ANKS6: variants seen among roughly 807,000 people sequenced by gnomAD.
ANKS6 encodes the protein ankyrin repeat and sterile alpha motif domain containing 6.
ANKS6 carries 47 observed loss-of-function variants against 77.9 expected under a neutral mutation model. The ratio of observed to expected loss-of-function variants is 0.60; its 90% CI spans 0.48 to 0.77. ANKS6 has a LOEUF of 0.77. ANKS6 is among the 30% of genes least tolerant of loss of function. The pLI is 0.00. For missense variants in ANKS6, 1,150 were observed against 1,159.1 expected, an observed-to-expected ratio of 0.99 and a Z score of 0.11; for synonymous variants, 488 against 501.7, an observed-to-expected ratio of 0.97 and a Z score of 0.37.
At chr9:98,741,123 T>A (rs1041576366) in intron 14 of ANKS6, among the ~76,000 whole-genome samples, 18 of 152,348 alleles carry the variant, frequency 1.2e-4, no homozygotes, top group Middle Eastern at 3.4e-3. Context: ...GCACCATTTA[T>A]ACAAAGTTTG....
chr9:98,774,202 C>G, intron 8 of ANKS6, 122 bp from the exon 9 acceptor site: 1 of 880,816 alleles, frequency 1.1e-6, no homozygotes, highest in Non-Finnish European at 1.6e-6. Flanking sequence ...CCACCCAAGC[C>G]GGGAGCTATG....
intron 2 of ANKS6, among the ~76,000 whole-genome samples, chr9:98,786,222 G>A (rs1216274278): frequency 1.3e-5 from 2 of 151,650 alleles, no homozygotes; most frequent in East Asian, 3.9e-4. Context: ...CAAGTGATCT[G>A]CTCGCCTTGG....
chr9:98,789,353 C>T (rs1168482732), intron 2 of ANKS6, among the ~76,000 whole-genome samples: 1 of 145,902 alleles, frequency 6.9e-6, no homozygotes, highest in Non-Finnish European at 1.5e-5. Flanking sequence ...GGTTTTGAAA[C>T]GTGGTATGTC....
intron 11 of ANKS6, among the ~76,000 whole-genome samples, chr9:98,758,238 G>A (rs993313718): frequency 6.0e-5 from 9 of 150,858 alleles, no homozygotes; most frequent in African/African-American, 9.7e-5. Context: ...CAATATTACT[G>A]TTATTTTGTA....
At chr9:98,761,527 C>A (rs1833008638) in intron 11 of ANKS6, among the ~76,000 whole-genome samples, 1 of 152,152 alleles carries the variant, frequency 6.6e-6, no homozygotes, top group Non-Finnish European at 1.5e-5. Flanking sequence ...GTATCTTTTA[C>A]CAGGCAAAAG....
chr9:98,749,473 C>A (rs1162280132), intron 13 of ANKS6, among the ~76,000 whole-genome samples: 1 of 152,194 alleles, frequency 6.6e-6, no homozygotes, highest in Non-Finnish European at 1.5e-5. Context: ...CTACGCTGGA[C>A]AACCACAACA....
At chr9:98,777,067 C>CT (rs1833955748) in intron 8 of ANKS6, among the ~76,000 whole-genome samples, 1 of 152,216 alleles carries the variant, frequency 6.6e-6, no homozygotes. Context: ...ATAGCCTCCT[C>CT]TTTGACTCCT....
At position 98,782,476 on chromosome 9, in the gene ANKS6, T is replaced by C; in HGVS notation, c.1210A>G (p.Asn404Asp). Residue 404 changes from asparagine (N) to aspartate (D), a missense_variant, in exon 5 of 15, where the codon AAT becomes GAT. Transcript: ENST00000353234. ...TCTTGAAATTACCTACCGGGATCAT[T>C]CAGCAGCATCACCAGGTCAAAGGCC... ...YTAFDLVMLL[N>D]DPDTELVRLL... 2 of 1,613,906 alleles carry C rather than the reference T, an allele frequency of 1.2e-6. No individual in the cohort carries two copies. Among genetic ancestry groups the C allele is most frequent in the Non-Finnish European group, 1.7e-6 (2 of 1,179,798 alleles).
intron 11 of ANKS6, among the ~76,000 whole-genome samples, chr9:98,766,732 G>C (rs1054057856): frequency 6.6e-6 from 1 of 152,212 alleles, no homozygotes; most frequent in African/African-American, 2.4e-5. Context: ...GTAACAAAAA[G>C]AGTTGTGTAA....
chr9:98,795,763 G>A (rs531884672), intron 1 of ANKS6, among the ~76,000 whole-genome samples: 1 of 152,272 alleles, frequency 6.6e-6, no homozygotes, highest in East Asian at 1.9e-4. Context: ...AATGCCCTGG[G>A]TGGGGACTCT....
chr9:98,788,300 C>T (rs777661649), intron 2 of ANKS6, among the ~76,000 whole-genome samples: 3 of 152,204 alleles, frequency 2.0e-5, no homozygotes, highest in Non-Finnish European at 4.4e-5. Context: ...TCGGCAGGCA[C>T]GGGCAGGTGC....
Position 98,773,966 on chromosome 9 carries a change from G to A in ANKS6, c.1732C>T (p.Arg578Cys), listed in dbSNP as rs781055405. The A allele has an allele frequency of 3.7e-6, 6 of 1,601,888 alleles. No individual in the cohort carries two copies. The highest frequency in any genetic ancestry group is 2.3e-5 in the East Asian group (1 of 43,844). Reference sequence around the variant, plus strand: ...ATGGGGTCTGCCTTCCCGTTGTGACGCGTCCGGGACCGATCAGAGCTCCAC... The same window carrying A: ...ATGGGGTCTGCCTTCCCGTTGTGACACGTCCGGGACCGATCAGAGCTCCAC... ...ELWSSDRSRT[R>C]HNGKADPMKT... The change falls in exon 9 of 15, where the codon CGT (arginine) becomes TGT (cysteine). Residue 578 changes from arginine (R) to cysteine (C), a missense_variant. By Grantham distance (180) the Arg-to-Cys change is radical (BLOSUM62 -3). Transcript: ENST00000353234.
Position 98,734,601 on chromosome 9 carries a change from C to CAG in ANKS6, c.*1917_*1918insCT. On this transcript the variant is annotated 3_prime_UTR_variant, in exon 15 of 15. Coordinates refer to ENST00000353234, the MANE Select transcript of ANKS6 (RefSeq NM_173551.5). ...AGTTAGTGGAAAAGGCACAGGCTTG[C>CAG]AAGCCCACCAGGTCCGGTTCTGACC... 1 of 984,068 alleles carries CAG rather than the reference C, an allele frequency of 1.0e-6. No individual in the cohort carries two copies. Among genetic ancestry groups the CAG allele is most frequent in the Non-Finnish European group, 1.2e-6 (1 of 828,684 alleles). 61.0% of individuals were successfully genotyped at this position (984,068 alleles called of 1,614,324 possible). A position where few individuals can be genotyped will look rare whatever the true frequency, so the allele number is the denominator to read the frequency against.
At chr9:98,778,745 T>C (rs1425992757) in intron 6 of ANKS6, among the ~76,000 whole-genome samples, 1 of 152,182 alleles carries the variant, frequency 6.6e-6, no homozygotes, top group Non-Finnish European at 1.5e-5. Context: ...GATTGCTGAC[T>C]TGCTTGAGGT....
intron 8 of ANKS6, among the ~76,000 whole-genome samples, chr9:98,774,432 C>T (rs751207934): frequency 2.0e-5 from 3 of 152,156 alleles, no homozygotes; most frequent in Non-Finnish European, 2.9e-5. Flanking sequence ...GTGAAGGCAC[C>T]TTTGTGGGAA....
rs1218468841 is a variant in ANKS6, at chr9:98,760,382, C to T, written c.2143-3779G>A. Reference sequence around the variant, plus strand: ...AGAGGTTATGGGGTAGAGTGAAAGGCTCAACCCTCTAATCCTACCCTCTAA... The same window carrying T: ...AGAGGTTATGGGGTAGAGTGAAAGGTTCAACCCTCTAATCCTACCCTCTAA... On this transcript the variant is annotated intron_variant, in intron 11 of 14. Coordinates refer to ENST00000353234, the MANE Select transcript of ANKS6 (RefSeq NM_173551.5). Among the ~76,000 whole-genome samples the T allele has an allele frequency of 1.7e-4, 26 of 151,946 alleles. 1 individual carries two copies. In the East Asian group the frequency reaches 5.0e-3, roughly 29 times the overall value.
chr9:98,768,956 T>C (rs904664692), intron 10 of ANKS6, among the ~76,000 whole-genome samples: 1 of 151,778 alleles, frequency 6.6e-6, no homozygotes, highest in Non-Finnish European at 1.5e-5. Flanking sequence ...TGAAACCCTG[T>C]CTCTACTAAA....
chr9:98,754,252 T>G (rs1201924226), intron 12 of ANKS6, among the ~76,000 whole-genome samples: 1 of 151,714 alleles, frequency 6.6e-6, no homozygotes, highest in Non-Finnish European at 1.5e-5. Context: ...ACAGGTGGAG[T>G]CCAGAGAGGA....
At chr9:98,766,443 T>C (rs933768030) in intron 11 of ANKS6, among the ~76,000 whole-genome samples, 9 of 152,158 alleles carry the variant, frequency 5.9e-5, no homozygotes, top group African/African-American at 2.2e-4. Context: ...GTAGGCTTCA[T>C]GAGTAGCTGA....
Sources: gnomAD v4.1 joint callset for allele counts (sites outside exome capture counted in the v4.1 genomes callset) on GRCh38, gnomAD v4.1.1 for gene constraint, MANE v1.5 for transcripts, NCBI Gene and HGNC (gene_info 2026-07-23, HGNC 2026-07-21) for gene names.